Variants in STRIP2 observed in about 807,000 individuals in gnomAD.
STRIP2 encodes the protein striatin-interacting protein 2.
In STRIP2, 84 loss-of-function variants were observed where a neutral mutation model predicts 107.1. That is an observed-to-expected ratio of 0.78 (90% confidence interval 0.66 to 0.94). STRIP2 has a LOEUF of 0.94. Among genes scored for constraint, STRIP2 ranks in the 40% least tolerant of loss-of-function variants. The pLI, the probability that STRIP2 is intolerant of heterozygous loss-of-function variation, is 0.00. For missense variants in STRIP2, 888 were observed against 1,034.2 expected, an observed-to-expected ratio of 0.86 and a Z score of 1.94; for synonymous variants, 394 against 400.4, an observed-to-expected ratio of 0.98 and a Z score of 0.19.
chr7:129,481,126 A>AAGCT (rs1441540111), intron 19 of STRIP2, among the ~76,000 whole-genome samples: 3 of 152,180 alleles, frequency 2.0e-5, no homozygotes, highest in Admixed American at 6.5e-5. Flanking sequence ...TCTAGCAGGG[A>AAGCT]AGCTAGCAAT....
chr7:129,475,021 A>G (rs1269467695), intron 18 of STRIP2, among the ~76,000 whole-genome samples: 3 of 152,218 alleles, frequency 2.0e-5, no homozygotes, highest in African/African-American at 7.2e-5. Context: ...CCCACCTGGT[A>G]CAGGAAGTTT....
intron 18 of STRIP2, among the ~76,000 whole-genome samples, chr7:129,479,140 G>A (rs1006033107): frequency 1.3e-5 from 2 of 151,864 alleles, no homozygotes; most frequent in East Asian, 1.9e-4. Context: ...TAGGCGTGGC[G>A]GTGCATTCCT....
intron 3 of STRIP2, among the ~76,000 whole-genome samples, chr7:129,444,930 A>G (rs1233831399): frequency 6.6e-6 from 1 of 152,170 alleles, no homozygotes; most frequent in Non-Finnish European, 1.5e-5. Context: ...ACGCACAAAC[A>G]TGTTTTTAAC....
rs1039442748 is a variant in STRIP2, at chr7:129,461,335, G to A, written c.1476+963G>A. Among the ~76,000 whole-genome samples, 11 of 152,136 alleles carry A rather than the reference G, an allele frequency of 7.2e-5. No homozygotes were observed. Among genetic ancestry groups the A allele is most frequent in the African/African-American group, 1.9e-4 (8 of 41,422 alleles). ...AGGGCTGACTTTGAGAAATAAATTC[G>A]GGAGTTGTTTGTAACACTTATAGGC... is the stretch of plus-strand genomic sequence containing the variant. On this transcript the variant is annotated intron_variant, in intron 13 of 20. Transcript: ENST00000249344. The surrounding 1 kb of genome is among the most constrained non-coding windows in gnomAD (Gnocchi z 4.0).
At chr7:129,464,854 G>T in intron 16 of STRIP2, 116 bp downstream of exon 16, 2 of 1,397,988 alleles carry the variant, frequency 1.4e-6, no homozygotes, top group South Asian at 1.3e-5. Flanking sequence ...CCTTTTCTTT[G>T]TCCTCTCTCA....
rs1799265630 is a variant in STRIP2 at position 129,487,306 on chromosome 7, T to C, written c.*1477T>C. 1 of 152,186 alleles carries C rather than the reference T, an allele frequency of 6.6e-6. No homozygotes were observed. Among genetic ancestry groups the C allele is most frequent in the Non-Finnish European group, 1.5e-5 (1 of 68,078 alleles). 9.4% of individuals were successfully genotyped at this position (152,186 alleles called of 1,614,324 possible). ...CTGGGATTACAGGTGTGAGCCACCA[T>C]GCCCAGCCTCTTCAAGCTTTTTTAC... On this transcript the variant is annotated 3_prime_UTR_variant, in exon 21 of 21. Coordinates refer to ENST00000249344, the MANE Select transcript of STRIP2 (RefSeq NM_020704.3).
At chr7:129,456,927 A>C (rs1798375956) in intron 9 of STRIP2, among the ~76,000 whole-genome samples, 1 of 152,152 alleles carries the variant, frequency 6.6e-6, no homozygotes, top group Admixed American at 6.5e-5. Flanking sequence ...AGTTCCTTAC[A>C]TTCTGAATAA....
chr7:129,462,367 C>T lies in STRIP2; in HGVS notation c.1477-599C>T, dbSNP rs542257911. On this transcript the variant is annotated intron_variant, in intron 13 of 20. Transcript: ENST00000249344. ...GTAGGAGGAAGGGAACTGCATTGGT[C>T]AAAGATGACAGTGGCCTGAGCAGCT... Among the ~76,000 whole-genome samples the T allele has an allele frequency of 3.9e-5, 6 of 152,290 alleles. 1 individual carries two copies. Among genetic ancestry groups the T allele is most frequent in the African/African-American group, 1.2e-4 (5 of 41,568 alleles).
intron 12 of STRIP2, 132 bp from the exon 13 acceptor site, chr7:129,460,169 G>T: frequency 1.5e-6 from 1 of 675,442 alleles, no homozygotes. Flanking sequence ...TTCCTTGAAA[G>T]AGTTCATGTC....
At chr7:129,482,194 C>T (rs1465219419) in intron 19 of STRIP2, among the ~76,000 whole-genome samples, 2 of 151,726 alleles carry the variant, frequency 1.3e-5, no homozygotes, top group African/African-American at 4.8e-5. Flanking sequence ...TATATGCATA[C>T]ATAGAATTAT....
intron 19 of STRIP2, among the ~76,000 whole-genome samples, chr7:129,482,544 A>G (rs1334398469): frequency 6.6e-6 from 1 of 151,384 alleles, no homozygotes; most frequent in Admixed American, 6.6e-5. Context: ...CGCCTGGCTA[A>G]TTTTTGTATT....
At chr7:129,462,032 G>T (rs1798550101) in intron 13 of STRIP2, among the ~76,000 whole-genome samples, 1 of 152,226 alleles carries the variant, frequency 6.6e-6, no homozygotes, top group African/African-American at 2.4e-5. Flanking sequence ...TAGATTTGGT[G>T]TTGAGAAGAT....
intron 20 of STRIP2, 107 bp from the exon 21 acceptor site, chr7:129,485,472 A>AG: frequency 1.6e-6 from 2 of 1,255,200 alleles, no homozygotes; most frequent in Non-Finnish European, 2.2e-6. Context: ...AAAAAAAAAA[A>AG]GAATTTCTGA....
chr7:129,464,330 C>G (rs991396156), intron 15 of STRIP2, among the ~76,000 whole-genome samples, 189 bp downstream of exon 15: 6 of 151,986 alleles, frequency 3.9e-5, no homozygotes, highest in Middle Eastern at 3.2e-3. Flanking sequence ...AACTCTGGAT[C>G]TGGAGGGTGA....
intron 16 of STRIP2, 76 bp downstream of exon 16, chr7:129,464,814 T>C: frequency 6.4e-7 from 1 of 1,565,398 alleles, no homozygotes. Flanking sequence ...GGATGCAAAG[T>C]CCCTTTTAAT....
At chr7:129,482,281 C>A (rs891418309) in intron 19 of STRIP2, among the ~76,000 whole-genome samples, 4 of 150,268 alleles carry the variant, frequency 2.7e-5, no homozygotes, top group Non-Finnish European at 5.9e-5. Flanking sequence ...TCACTTTATA[C>A]CATATGCTTT....
At chr7:129,451,127 G>C (rs953695688) in intron 3 of STRIP2, among the ~76,000 whole-genome samples, 1 of 151,588 alleles carries the variant, frequency 6.6e-6, no homozygotes, top group African/African-American at 2.4e-5. Context: ...TAGTAGAGAC[G>C]GGGTTTCACC....
chr7:129,472,023 G>C (rs1798799962), intron 18 of STRIP2, among the ~76,000 whole-genome samples: 1 of 152,034 alleles, frequency 6.6e-6, no homozygotes, highest in African/African-American at 2.4e-5. Context: ...CAGAGATGTA[G>C]CTATTAAATC....
At chr7:129,485,472 A>AAAAT in intron 20 of STRIP2, 107 bp from the exon 21 acceptor site, 1 of 1,255,198 alleles carries the variant, frequency 8.0e-7, no homozygotes, top group Non-Finnish European at 1.1e-6. Flanking sequence ...AAAAAAAAAA[A>AAAAT]GAATTTCTGA....
Sources: allele counts gnomAD v4.1 joint callset (sites outside exome capture counted in the v4.1 genomes callset), GRCh38; gene constraint gnomAD v4.1.1; non-coding constraint Gnocchi (gnomAD v3.1); transcripts MANE v1.5; gene names NCBI Gene and HGNC (gene_info 2026-07-23, HGNC 2026-07-21).